STAM2: variants seen among roughly 807,000 people sequenced by gnomAD.
The protein encoded by STAM2 is signal transducing adaptor molecule 2, also known as signal transducing adapter molecule 2.
In STAM2, 51 loss-of-function variants were observed where a neutral mutation model predicts 65.6. The ratio of observed to expected loss-of-function variants is 0.78; its 90% CI spans 0.62 to 0.98. The LOEUF (loss-of-function observed/expected upper bound fraction) is 0.98, where lower values mean the gene tolerates loss of function less well. Among genes scored for constraint, STAM2 ranks in the 50% least tolerant of loss-of-function variants. The probability of loss-of-function intolerance (pLI) is 0.00; values close to 1 mark genes in which losing one functional copy is unlikely to be tolerated. For synonymous variants in STAM2, 198 were observed against 208.4 expected (o/e 0.95, Z 0.43); for missense variants, 584 against 617.8 (o/e 0.95, Z 0.58).
intron 1 of STAM2, among the ~76,000 whole-genome samples, chr2:152,168,036 A>C (rs1689821749): frequency 6.6e-6 from 1 of 152,238 alleles, no homozygotes; most frequent in South Asian, 2.1e-4. Context: ...GAAAAAAATA[A>C]CAAGAGATAA....
At chr2:152,142,500 CTA>C (rs1689266518) in intron 7 of STAM2, among the ~76,000 whole-genome samples, 1 of 152,132 alleles carries the variant, frequency 6.6e-6, no homozygotes, top group African/African-American at 2.4e-5. Flanking sequence ...AGAGCCCACA[CTA>C]TCTCTCCATC....
At chr2:152,161,278 T>C (rs4036224) in intron 1 of STAM2, among the ~76,000 whole-genome samples, 28,832 of 150,044 alleles carry the variant, frequency 0.19, 3,066 homozygotes, top group Admixed American at 0.29. Context: ...ATGTGCTTTG[T>C]TAAACAGATG....
intron 11 of STAM2, among the ~76,000 whole-genome samples, chr2:152,131,057 T>C (rs567717941): frequency 1.3e-4 from 19 of 147,248 alleles, no homozygotes; most frequent in Non-Finnish European, 2.3e-4. Flanking sequence ...AAAAGAGCAA[T>C]AGAAACAAAT....
At chr2:152,131,635 G>A (rs147116681) in intron 11 of STAM2, 311 of 178,774 alleles carry the variant, frequency 1.7e-3, no homozygotes, top group African/African-American at 7.0e-3. Context: ...ATGTGCTGGG[G>A]TAAAAGTAGA....
chr2:152,140,385 A>G (rs1218579379), intron 7 of STAM2, among the ~76,000 whole-genome samples: 2 of 152,250 alleles, frequency 1.3e-5, no homozygotes, highest in Admixed American at 6.5e-5. Context: ...TACCATATTT[A>G]GTTTTAGGTC....
intron 1 of STAM2, among the ~76,000 whole-genome samples, chr2:152,155,768 C>T (rs959230723): frequency 8.5e-5 from 13 of 152,188 alleles, no homozygotes; most frequent in African/African-American, 2.9e-4. Context: ...AAATATCTAC[C>T]CACATTCTTT....
chr2:152,168,211 A>C (rs1017454085), intron 1 of STAM2, among the ~76,000 whole-genome samples: 6 of 151,780 alleles, frequency 4.0e-5, no homozygotes, highest in Middle Eastern at 3.4e-3. Context: ...TCCGGGCTGG[A>C]GTGCAGTGGC....
chr2:152,133,947 TA>T (rs1465430137), intron 8 of STAM2, among the ~76,000 whole-genome samples: 1 of 152,128 alleles, frequency 6.6e-6, no homozygotes, highest in East Asian at 1.9e-4. Flanking sequence ...CCCTTCTATT[TA>T]AAAAAACTAT....
intron 13 of STAM2, among the ~76,000 whole-genome samples, chr2:152,122,057 A>AATAT (rs59011840): frequency 4.6e-5 from 6 of 131,738 alleles, no homozygotes; most frequent in Non-Finnish European, 6.4e-5. Context: ...CCAAAAAAAA[A>AATAT]ATATATATAT....
intron 1 of STAM2, among the ~76,000 whole-genome samples, chr2:152,167,851 A>G (rs573649257): frequency 6.6e-6 from 1 of 152,280 alleles, no homozygotes; most frequent in African/African-American, 2.4e-5. Flanking sequence ...CAGAGGCTGC[A>G]GTGAGCTGAG....
At chr2:152,150,072 A>C in intron 2 of STAM2, 73 bp downstream of exon 2, 1 of 1,027,216 alleles carries the variant, frequency 9.7e-7, no homozygotes, top group Non-Finnish European at 1.5e-6. Flanking sequence ...TTTTCCTCTC[A>C]AAGTTACATC....
chr2:152,159,283 C>T (rs1437248843), intron 1 of STAM2, among the ~76,000 whole-genome samples: 1 of 150,592 alleles, frequency 6.6e-6, no homozygotes. Context: ...TCCACCCACA[C>T]CCTGGGTGAC....
intron 1 of STAM2, among the ~76,000 whole-genome samples, chr2:152,173,405 TA>T (rs1166556277): frequency 7.0e-5 from 10 of 143,138 alleles, no homozygotes; most frequent in Non-Finnish European, 8.9e-5. Flanking sequence ...TATATATATA[TA>T]TTTTTTTTCG....
rs1688817874 is a variant in STAM2, at chr2:152,119,958, A to G, written c.*616T>C. 1 of 152,796 alleles carries G rather than the reference A, an allele frequency of 6.5e-6. No individual in the cohort carries two copies. Among genetic ancestry groups the G allele is most frequent in the Non-Finnish European group, 1.5e-5 (1 of 68,196 alleles). The allele number at this position is 152,796 out of a possible 1,614,324, so 9.5% of individuals were successfully genotyped here. On this transcript the variant is annotated 3_prime_UTR_variant, in exon 14 of 14. Transcript: ENST00000263904. ...ATTATTCAACATAACAGTGAGAGCA[A>G]AAGTGACAATACTGCAAACACAACC...
chr2:152,135,490 C>A lies in STAM2; in HGVS notation c.799+19G>T. 6.5e-7 allele frequency: 1 copy of A among 1,530,688 alleles called. No homozygotes were observed. Among genetic ancestry groups the A allele is most frequent in the South Asian group, 1.2e-5 (1 of 86,608 alleles). 94.8% of individuals were successfully genotyped at this position (1,530,688 alleles called of 1,614,324 possible). ...AAAAAAACTTAAATAGATCTAATGT[C>A]GTCTAAGATTTAACTTACCTGCCTC... On this transcript the variant is annotated intron_variant, in intron 8 of 13. Transcript: ENST00000263904.
intron 12 of STAM2, 98 bp downstream of exon 12, chr2:152,126,128 A>G: frequency 9.8e-7 from 1 of 1,022,768 alleles, no homozygotes; most frequent in East Asian, 3.1e-5. Context: ...AATTTTATTC[A>G]CAGACAAAAG....
At chr2:152,122,227 A>G (rs979473222) in intron 13 of STAM2, among the ~76,000 whole-genome samples, 5 of 151,898 alleles carry the variant, frequency 3.3e-5, no homozygotes, top group Middle Eastern at 3.4e-3. Context: ...GCCTGCTTTG[A>G]GACCAGCCCA....
At chr2:152,159,093 C>A (rs1295034035) in intron 1 of STAM2, among the ~76,000 whole-genome samples, 4 of 59,664 alleles carry the variant, frequency 6.7e-5, no homozygotes, top group South Asian at 6.6e-4. Context: ...CAAAAAAAAA[C>A]CATATATATA....
chr2:152,175,315 T>C (rs1181015638), intron 1 of STAM2, among the ~76,000 whole-genome samples: 11 of 152,106 alleles, frequency 7.2e-5, no homozygotes, highest in African/African-American at 2.7e-4. Flanking sequence ...ACTTAATCAG[T>C]CCAGTCTCCA....
Sources: allele counts gnomAD v4.1 joint callset (sites outside exome capture counted in the v4.1 genomes callset), GRCh38; gene constraint gnomAD v4.1.1; transcripts MANE v1.5; gene names NCBI Gene and HGNC (gene_info 2026-07-23, HGNC 2026-07-21).